MBD5: variants seen among roughly 807,000 people sequenced by gnomAD.
MBD5 encodes the protein methyl-CpG-binding domain protein 5.
A neutral mutation model predicts 117.3 loss-of-function variants in MBD5; 13 were observed. The observed-to-expected ratio is 0.11, with a 90% CI of 0.07 to 0.18. The LOEUF is 0.18. Among genes scored for constraint, MBD5 ranks in the 10% least tolerant of loss-of-function variants. The pLI is 1.00. For missense variants in MBD5, 1,879 were observed against 2,093.8 expected (o/e 0.90, Z 2.00); for synonymous variants, 727 against 766.4 (o/e 0.95, Z 0.85).
At chr2:148,152,743 C>G (rs1308152341) in intron 1 of MBD5, among the ~76,000 whole-genome samples, 2 of 150,440 alleles carry the variant, frequency 1.3e-5, no homozygotes, top group African/African-American at 4.9e-5. Flanking sequence ...TCTGTTTTAT[C>G]AGAGACTAGG....
chr2:148,298,325 G>T (rs997930234), intron 3 of MBD5, among the ~76,000 whole-genome samples: 1 of 152,138 alleles, frequency 6.6e-6, no homozygotes, highest in African/African-American at 2.4e-5. Context: ...CTGGGAGGTG[G>T]GGAGAAGGGC....
At chr2:148,275,900 T>C (rs1052277958) in intron 3 of MBD5, among the ~76,000 whole-genome samples, 2 of 152,194 alleles carry the variant, frequency 1.3e-5, no homozygotes, top group Admixed American at 6.5e-5. Flanking sequence ...TTAATTTTTA[T>C]TTAAAATTAA....
At chr2:148,064,134 T>TC (rs1361300784) in intron 1 of MBD5, among the ~76,000 whole-genome samples, 1 of 147,668 alleles carries the variant, frequency 6.8e-6, no homozygotes, top group African/African-American at 2.5e-5. Flanking sequence ...TTTTCTTTTT[T>TC]TTTTTTTTTG....
At chr2:148,230,914 A>T (rs553063552) in intron 2 of MBD5, among the ~76,000 whole-genome samples, 1 of 152,318 alleles carries the variant, frequency 6.6e-6, no homozygotes, top group Admixed American at 6.5e-5. Context: ...CTGAGCTGGT[A>T]TCCAAGATCC....
At position 148,489,299 on chromosome 2, in the gene MBD5, T is replaced by C. The variant is rs1681438194; in HGVS notation, c.3754-87T>C. The stretch of plus-strand genomic sequence containing the variant: ...TTCCTTGTTAATATTTGTTTGTCTT[T>C]TGGTAAATTTTAAAATTATAGTCTT... On this transcript the variant is annotated intron_variant, in intron 10 of 13. Transcript: ENST00000642680. The C allele has an allele frequency of 2.0e-6, 3 of 1,503,164 alleles. No homozygotes were observed. In the African/African-American group the frequency reaches 4.2e-5, roughly 21 times the overall value. The allele number at this position is 1,503,164 out of a possible 1,614,324, so 93.1% of individuals were successfully genotyped here.
In MBD5 at chr2:148,052,981, AAGAG is replaced by A. The variant is rs1429223648; in HGVS notation, c.-925+31303_-925+31306del. ...TCGTCTCAAAAAAAAAAAAAAAAAA[AAGAG>A]AGAGACAATGTGTATTCTACTTGGG... On this transcript the variant is annotated intron_variant, in intron 1 of 13. Transcript: ENST00000642680. 7.4e-5 allele frequency among the ~76,000 whole-genome samples: 6 copies of A among 81,328 alleles called. No individual in the cohort carries two copies. The East Asian group carries it at 1.4e-3, about 19-fold the overall frequency. 53.4% of individuals were successfully genotyped at this position (81,328 alleles called of 152,430 possible). A position where few individuals can be genotyped will look rare whatever the true frequency, so the allele number is the denominator to read the frequency against.
intron 3 of MBD5, among the ~76,000 whole-genome samples, chr2:148,324,378 G>A (rs549617164): frequency 1.1e-4 from 16 of 152,066 alleles, no homozygotes; most frequent in African/African-American, 2.4e-4. Flanking sequence ...GTGAAGAAAG[G>A]CATTGGTAGC....
chr2:148,476,125 GA>G (rs924699876), intron 8 of MBD5, among the ~76,000 whole-genome samples: 1 of 152,166 alleles, frequency 6.6e-6, no homozygotes, highest in Non-Finnish European at 1.5e-5. Context: ...ACAGGTATAA[GA>G]GAGAGTATTC....
chr2:148,303,439 G>A (rs1701819886), intron 3 of MBD5, among the ~76,000 whole-genome samples: 1 of 152,178 alleles, frequency 6.6e-6, no homozygotes, highest in Admixed American at 6.5e-5. Flanking sequence ...AGTATTGGAG[G>A]TTAAAGGCAA....
At chr2:148,438,876 T>C (rs1294407397) in intron 4 of MBD5, among the ~76,000 whole-genome samples, 1 of 152,158 alleles carries the variant, frequency 6.6e-6, no homozygotes, top group African/African-American at 2.4e-5. Context: ...CTGCCAACGC[T>C]GAGAGAAGAT....
At chr2:148,029,669 T>TCAGA (rs1360736690) in intron 1 of MBD5, among the ~76,000 whole-genome samples, 1 of 152,214 alleles carries the variant, frequency 6.6e-6, no homozygotes, top group African/African-American at 2.4e-5. Context: ...CCTGGGCCAG[T>TCAGA]CAGAAAAGGA....
At chr2:148,328,028 G>A (rs530433953) in intron 3 of MBD5, among the ~76,000 whole-genome samples, 1 of 152,168 alleles carries the variant, frequency 6.6e-6, no homozygotes, top group South Asian at 2.1e-4. Flanking sequence ...TGGTGTGGAT[G>A]TCCTTTCTGT....
chr2:148,200,190 T>C (rs1453529817), intron 2 of MBD5, among the ~76,000 whole-genome samples: 2 of 150,666 alleles, frequency 1.3e-5, no homozygotes, highest in African/African-American at 4.9e-5. Flanking sequence ...GCTTTCTTTT[T>C]CCCCCCTAAG....
At chr2:148,265,370 A>G (rs753015669) in intron 3 of MBD5, among the ~76,000 whole-genome samples, 5 of 152,314 alleles carry the variant, frequency 3.3e-5, no homozygotes, top group Non-Finnish European at 7.4e-5. Flanking sequence ...AGTACATATT[A>G]TAGTAAGACC....
intron 4 of MBD5, among the ~76,000 whole-genome samples, chr2:148,372,741 GC>G (rs1333799082): frequency 1.3e-5 from 2 of 152,048 alleles, no homozygotes; most frequent in Non-Finnish European, 2.9e-5. Context: ...CAAAGAGAAT[GC>G]GAGTGTAAGT....
chr2:148,379,460 A>G (rs1704075131), intron 4 of MBD5, among the ~76,000 whole-genome samples: 1 of 152,144 alleles, frequency 6.6e-6, no homozygotes, highest in Admixed American at 6.5e-5. Context: ...AAAACAGTGT[A>G]CTATCAAAAG....
At chr2:148,218,037 T>G (rs1198688756) in intron 2 of MBD5, among the ~76,000 whole-genome samples, 1 of 152,214 alleles carries the variant, frequency 6.6e-6, no homozygotes, top group Admixed American at 6.5e-5. Context: ...ATTAAGAATT[T>G]TAATATGTGC....
intron 2 of MBD5, among the ~76,000 whole-genome samples, chr2:148,200,642 G>A (rs947157901): frequency 1.4e-5 from 2 of 146,710 alleles, no homozygotes; most frequent in Non-Finnish European, 3.0e-5. Context: ...GCAGTGAGCC[G>A]ATATCACGCC....
intron 3 of MBD5, among the ~76,000 whole-genome samples, chr2:148,234,792 G>T (rs527354738): frequency 6.6e-6 from 1 of 152,128 alleles, no homozygotes; most frequent in Non-Finnish European, 1.5e-5. Context: ...AACCCTTTAT[G>T]CACTTTTATT....
Sources: gnomAD v4.1 joint callset for allele counts (sites outside exome capture counted in the v4.1 genomes callset) on GRCh38, gnomAD v4.1.1 for gene constraint, MANE v1.5 for transcripts, NCBI Gene and HGNC (gene_info 2026-07-23, HGNC 2026-07-21) for gene names.